Variants in PCDHGC5 observed in about 807,000 individuals in gnomAD.
PCDHGC5 encodes the protein protocadherin gamma subfamily C, 5.
A neutral mutation model predicts 59.0 loss-of-function variants in PCDHGC5; 25 were observed. The observed-to-expected ratio is 0.42, with a 90% CI of 0.31 to 0.59. The LOEUF (loss-of-function observed/expected upper bound fraction) is 0.59, where lower values mean the gene tolerates loss of function less well. Among genes scored for constraint, PCDHGC5 ranks in the 20% least tolerant of loss-of-function variants. The probability of loss-of-function intolerance (pLI) is 0.13; values close to 1 mark genes in which losing one functional copy is unlikely to be tolerated. For synonymous variants in PCDHGC5, 434 were observed against 505.5 expected (o/e 0.86, Z 1.90); for missense variants, 1,067 against 1,206.4 (o/e 0.88, Z 1.71).
intron 2 of PCDHGC5, among the ~76,000 whole-genome samples, chr5:141,498,944 A>G (rs1249475504): frequency 7.2e-6 from 1 of 139,096 alleles, no homozygotes; most frequent in Non-Finnish European, 1.6e-5. Flanking sequence ...AAAGAAAGAA[A>G]GAAAAAGAGA....
At chr5:141,502,951 C>G (rs1444086718) in intron 2 of PCDHGC5, among the ~76,000 whole-genome samples, 1 of 147,768 alleles carries the variant, frequency 6.8e-6, no homozygotes, top group African/African-American at 2.6e-5. Context: ...TCAAGCGATT[C>G]TCCTGCCTCA....
At chr5:141,508,662 T>G (rs2099870759) in intron 3 of PCDHGC5, among the ~76,000 whole-genome samples, 1 of 152,122 alleles carries the variant, frequency 6.6e-6, no homozygotes, top group Non-Finnish European at 1.5e-5. Context: ...CCTGTCATTC[T>G]GTCTCTGCCT....
Position 141,511,643 on chromosome 5 carries a change from C to T in PCDHGC5, c.*470C>T, listed in dbSNP as rs937995879. ...TGAAAAGTTGGAAGGGCATCATGACCTCTTGGCCTCTCCTTTGATTCTCAA... is the reference window on the plus strand; with the variant it reads ...TGAAAAGTTGGAAGGGCATCATGACTTCTTGGCCTCTCCTTTGATTCTCAA... On this transcript the variant is annotated 3_prime_UTR_variant, in exon 4 of 4. Coordinates refer to ENST00000252087, the MANE Select transcript of PCDHGC5 (RefSeq NM_018929.3). 4 of 218,904 alleles carry T rather than the reference C, an allele frequency of 1.8e-5. No homozygotes were observed. The highest frequency in any genetic ancestry group is 5.2e-5 in the Admixed American group (1 of 19,306). 13.6% of individuals were successfully genotyped at this position (218,904 alleles called of 1,614,324 possible). A position where few individuals can be genotyped will look rare whatever the true frequency, so the allele number is the denominator to read the frequency against.
In PCDHGC5 at chr5:141,493,550, T is replaced by C. The variant is rs978188511; in HGVS notation, c.2461-1257T>C. On this transcript the variant is annotated intron_variant, in intron 1 of 3. Coordinates refer to ENST00000252087, the MANE Select transcript of PCDHGC5 (RefSeq NM_018929.3). This position sits in a 1 kb window ranked among gnomAD's most constrained non-coding sequence, Gnocchi z 4.3. Reference sequence around the variant, plus strand: ...ACTTGGCCAGTTATCCTTTTGGAGATTGAGTTCCCCCAGCTCCGTTTCCTC... The same window carrying C: ...ACTTGGCCAGTTATCCTTTTGGAGACTGAGTTCCCCCAGCTCCGTTTCCTC... Among the ~76,000 whole-genome samples the C allele has an allele frequency of 1.3e-5, 2 of 152,172 alleles. No homozygotes were observed. The highest frequency in any genetic ancestry group is 2.4e-5 in the African/African-American group (1 of 41,430).
Position 141,489,252 on chromosome 5 carries a change from G to A in PCDHGC5, c.12G>A (p.Lys4=). 2 of 1,547,622 alleles carry A rather than the reference G, an allele frequency of 1.3e-6. No individual in the cohort carries two copies. Among genetic ancestry groups the A allele is most frequent in the Non-Finnish European group, 1.7e-6 (2 of 1,147,198 alleles). The change falls in exon 1 of 4, where the codon AAG becomes AAA. Residue 4 remains lysine (K), a synonymous_variant. Coordinates refer to ENST00000252087, the MANE Select transcript of PCDHGC5 (RefSeq NM_018929.3). The surrounding 1 kb of genome is among the most constrained non-coding windows in gnomAD (Gnocchi z 4.5). ...GGGACTTCTGGGTCATGGGGCCCAAGACACTCCCACAGCTCGCTGGGAAAT... is the reference window on the plus strand; with the variant it reads ...GGGACTTCTGGGTCATGGGGCCCAAAACACTCCCACAGCTCGCTGGGAAAT... MGP[K]TLPQLAGKWQ... is the part of the protein sequence containing the mutation.
intron 2 of PCDHGC5, 91 bp from the exon 3 acceptor site, chr5:141,505,302 G>C: frequency 6.3e-7 from 1 of 1,592,714 alleles, no homozygotes. Context: ...TAGGGTTAGG[G>C]TACTAGGTTT....
chr5:141,499,104 C>A (rs2099789508), intron 2 of PCDHGC5, among the ~76,000 whole-genome samples: 1 of 152,120 alleles, frequency 6.6e-6, no homozygotes, highest in African/African-American at 2.4e-5. Flanking sequence ...CTTCTCCTCC[C>A]CACCACTATC....
At chr5:141,496,892 A>AG (rs1372616572) in intron 2 of PCDHGC5, among the ~76,000 whole-genome samples, 1 of 151,766 alleles carries the variant, frequency 6.6e-6, no homozygotes, top group Non-Finnish European at 1.5e-5. Flanking sequence ...AACACTTAAA[A>AG]AAAAAAAAAA....
At chr5:141,498,826 A>G (rs1186868890) in intron 2 of PCDHGC5, among the ~76,000 whole-genome samples, 1 of 152,006 alleles carries the variant, frequency 6.6e-6, no homozygotes, top group African/African-American at 2.4e-5. Context: ...CCAGCTACTC[A>G]GGAGGCTGAG....
intron 2 of PCDHGC5, among the ~76,000 whole-genome samples, chr5:141,503,088 C>T (rs1003234288): frequency 4.0e-5 from 6 of 151,864 alleles, no homozygotes; most frequent in Admixed American, 1.3e-4. Context: ...CTCCTGACCT[C>T]GTGGTCTGCC....
chr5:141,489,635 G>T lies in PCDHGC5; in HGVS notation c.395G>T (p.Ser132Ile), dbSNP rs1380466520. The change falls in exon 1 of 4, where the codon AGC becomes ATC. Residue 132 changes from serine (S) to isoleucine (I), a missense_variant. Coordinates refer to ENST00000252087, the MANE Select transcript of PCDHGC5 (RefSeq NM_018929.3). This position sits in a 1 kb window ranked among gnomAD's most constrained non-coding sequence, Gnocchi z 4.5. ...CTGGATCTCAATGACAACTCTCCTA[G>T]CTTTGCCACCCCTGAGCGAGAGATG... ...EILDLNDNSP[S>I]FATPEREMRI... 1.2e-6 allele frequency: 2 copies of T among 1,614,024 alleles called. No homozygotes were observed. The highest frequency in any genetic ancestry group is 2.7e-5 in the African/African-American group (2 of 74,908).
Position 141,490,731 on chromosome 5 carries a change from G to A in PCDHGC5, c.1491G>A (p.Gln497=), listed in dbSNP as rs139283997. The A allele has an allele frequency of 6.8e-6, 11 of 1,614,080 alleles. No homozygotes were observed. In the African/African-American group the frequency reaches 1.1e-4, roughly 16 times the overall value. Reference sequence around the variant, plus strand: ...TCACCTACTCCATTGTAGGAAATCAGGTTCAGGGAGCCCCAGCCTCCTCCT... The same window carrying A: ...TCACCTACTCCATTGTAGGAAATCAAGTTCAGGGAGCCCCAGCCTCCTCCT... The part of the protein sequence containing the change: ...ARLTYSIVGN[Q]VQGAPASSFV... The change falls in exon 1 of 4, where the codon CAG becomes CAA. Residue 497 remains glutamine (Q), a synonymous_variant. Transcript: ENST00000252087. The surrounding 1 kb of genome is among the most constrained non-coding windows in gnomAD (Gnocchi z 5.4).
rs1001719735 is a variant in PCDHGC5 at position 141,512,055 on chromosome 5, TGAC to T, written c.*883_*885del. 10 of 152,698 alleles carry T rather than the reference TGAC, an allele frequency of 6.5e-5. No homozygotes were observed. The highest frequency in any genetic ancestry group is 1.4e-4 in the African/African-American group (6 of 41,450). 9.5% of individuals were successfully genotyped at this position (152,698 alleles called of 1,614,324 possible). On this transcript the variant is annotated 3_prime_UTR_variant, in exon 4 of 4. Coordinates refer to ENST00000252087, the MANE Select transcript of PCDHGC5 (RefSeq NM_018929.3). ...GAGGCTCTGTATGTCCTCAGGGGACTGACAACATCCTCCAGATTCCAGCCATAA... is the reference window on the plus strand; with the variant it reads ...GAGGCTCTGTATGTCCTCAGGGGACTAACATCCTCCAGATTCCAGCCATAA...
intron 2 of PCDHGC5, among the ~76,000 whole-genome samples, chr5:141,503,222 G>A (rs540244346): frequency 2.2e-4 from 34 of 152,120 alleles, no homozygotes; most frequent in African/African-American, 7.7e-4. Context: ...CATGAGCACC[G>A]TAAAGATGGA....
chr5:141,489,174 C>A lies in PCDHGC5; in HGVS notation c.-67C>A. On this transcript the variant is annotated 5_prime_UTR_variant, in exon 1 of 4. Coordinates refer to ENST00000252087, the MANE Select transcript of PCDHGC5 (RefSeq NM_018929.3). The surrounding 1 kb of genome is among the most constrained non-coding windows in gnomAD (Gnocchi z 4.5). ...ATAAGAGACTTCAGCTGCTGCATTC[C>A]AAGCCCTGGGTCTACCTTGGAGACA... The A allele has an allele frequency of 8.2e-7, 1 of 1,224,772 alleles. No individual in the cohort carries two copies. 75.9% of individuals were successfully genotyped at this position (1,224,772 alleles called of 1,614,324 possible).
rs376773009 is a variant in PCDHGC5, at chr5:141,511,838, C to T, written c.*665C>T. 64 of 156,854 alleles carry T rather than the reference C, an allele frequency of 4.1e-4. No homozygotes were observed. Among genetic ancestry groups the T allele is most frequent in the Non-Finnish European group, 6.8e-4 (48 of 70,726 alleles). The allele number at this position is 156,854 out of a possible 1,614,324, so 9.7% of individuals were successfully genotyped here. A position where few individuals can be genotyped will look rare whatever the true frequency, so the allele number is the denominator to read the frequency against. ...TCTTCCCAACGCCCTGGGGACCAGTCTTCTGTTTTGTTTTTCATTGTTTGA... is the reference window on the plus strand; with the variant it reads ...TCTTCCCAACGCCCTGGGGACCAGTTTTCTGTTTTGTTTTTCATTGTTTGA... On this transcript the variant is annotated 3_prime_UTR_variant, in exon 4 of 4. Transcript: ENST00000252087.
At position 141,494,781 on chromosome 5, in the gene PCDHGC5, C is replaced by A. The variant is rs145360252; in HGVS notation, c.2461-26C>A. On this transcript the variant is annotated intron_variant, in intron 1 of 3. Coordinates refer to ENST00000252087, the MANE Select transcript of PCDHGC5 (RefSeq NM_018929.3). ...ATTCTAACTTCTCACGGGTACTCAG[C>A]CCCTTTCCCTCTGTTTTCTCCACAG... 6,156 of 1,614,074 alleles carry A rather than the reference C, an allele frequency of 3.8e-3. 13 individuals are homozygous for A. Among genetic ancestry groups the A allele is most frequent in the Middle Eastern group, 8.1e-3 (49 of 6,062 alleles).
Position 141,493,022 on chromosome 5 carries a change from G to C in PCDHGC5, c.2460+1322G>C, listed in dbSNP as rs1184742888. On this transcript the variant is annotated intron_variant, in intron 1 of 3. Transcript: ENST00000252087. This position sits in a 1 kb window ranked among gnomAD's most constrained non-coding sequence, Gnocchi z 4.3. Reference sequence around the variant, plus strand: ...GCTATAGGCTCTGCCAGATGCCAGGGTGCCCTTATGTGTGAGGAAACTACA... The same window carrying C: ...GCTATAGGCTCTGCCAGATGCCAGGCTGCCCTTATGTGTGAGGAAACTACA... Among the ~76,000 whole-genome samples the C allele has an allele frequency of 6.6e-6, 1 of 152,222 alleles. No individual in the cohort carries two copies. Among genetic ancestry groups the C allele is most frequent in the Non-Finnish European group, 1.5e-5 (1 of 68,040 alleles).
At chr5:141,504,696 G>T (rs2099840373) in intron 2 of PCDHGC5, among the ~76,000 whole-genome samples, 1 of 151,438 alleles carries the variant, frequency 6.6e-6, no homozygotes, top group African/African-American at 2.4e-5. Flanking sequence ...GGAGGGGCAG[G>T]TTCTTCTATG....
Sources: gnomAD v4.1 joint callset for allele counts (sites outside exome capture counted in the v4.1 genomes callset) on GRCh38, gnomAD v4.1.1 for gene constraint, Gnocchi (gnomAD v3.1) non-coding constraint, MANE v1.5 for transcripts, NCBI Gene and HGNC (gene_info 2026-07-23, HGNC 2026-07-21) for gene names.